TBC1D22A: variants seen among roughly 807,000 people sequenced by gnomAD.
TBC1D22A encodes the protein putative GTPase activator.
Under a neutral mutation model 60.2 loss-of-function variants are expected in TBC1D22A, and 38 were observed. The observed-to-expected ratio is 0.63, with a 90% confidence interval of 0.49 to 0.83. The LOEUF is 0.83. Among genes scored for constraint, TBC1D22A ranks in the 40% least tolerant of loss-of-function variants. The pLI, the probability that TBC1D22A is intolerant of heterozygous loss-of-function variation, is 0.00. For synonymous variants in TBC1D22A, 302 were observed against 281.7 expected (o/e 1.07, Z -0.72); for missense variants, 628 against 701.0 (o/e 0.90, Z 1.18).
At chr22:47,004,748 A>G (rs1030849734) in intron 10 of TBC1D22A, among the ~76,000 whole-genome samples, 8 of 145,618 alleles carry the variant, frequency 5.5e-5, no homozygotes, top group African/African-American at 1.9e-4. Flanking sequence ...ACACACCTAC[A>G]TACACATCTC....
At chr22:46,840,733 C>CA (rs140707678) in intron 4 of TBC1D22A, among the ~76,000 whole-genome samples, 2,034 of 90,680 alleles carry the variant, frequency 0.022, 16 homozygotes, top group Middle Eastern at 0.053. Flanking sequence ...ACTCTGTCTA[C>CA]AAAAAAAAAA....
chr22:46,853,332 C>T (rs562658262), intron 4 of TBC1D22A, among the ~76,000 whole-genome samples: 15 of 152,290 alleles, frequency 9.8e-5, no homozygotes, highest in African/African-American at 3.4e-4. Flanking sequence ...TGAAAGCAGG[C>T]GAGAGGCATG....
At chr22:47,015,744 C>G (rs921007504) in intron 10 of TBC1D22A, among the ~76,000 whole-genome samples, 3 of 152,234 alleles carry the variant, frequency 2.0e-5, no homozygotes, top group Non-Finnish European at 4.4e-5. Context: ...CCAGCCGCCT[C>G]GTGGTGGTCT....
At chr22:47,136,362 G>A (rs2066872632) in intron 12 of TBC1D22A, among the ~76,000 whole-genome samples, 1 of 152,224 alleles carries the variant, frequency 6.6e-6, no homozygotes, top group Admixed American at 6.5e-5. Flanking sequence ...TCCTGGGGCT[G>A]GCTACCACTG....
chr22:46,911,281 G>A (rs6009052), intron 7 of TBC1D22A, among the ~76,000 whole-genome samples: 116,878 of 151,998 alleles, frequency 0.77, 45,148 homozygotes, highest in Middle Eastern at 0.85. Flanking sequence ...AATGCCTGCT[G>A]AGATTTCGTA....
At position 46,976,585 on chromosome 22, in the gene TBC1D22A, G is replaced by A. The variant is rs375614813; in HGVS notation, c.1125+2186G>A. On this transcript the variant is annotated intron_variant, in intron 9 of 12. Coordinates refer to ENST00000337137, the MANE Select transcript of TBC1D22A (RefSeq NM_014346.5). ...CACGCAGACCGGCGTGTCAGCTCCC[G>A]GACGACCTGGCCGCTTCTGCCTCTT... Among the ~76,000 whole-genome samples the A allele has an allele frequency of 1.4e-4, 22 of 152,198 alleles. No individual in the cohort carries two copies. The East Asian group carries it at 1.9e-3, about 13-fold the overall frequency.
At chr22:46,872,828 A>G (rs1310429564) in intron 4 of TBC1D22A, among the ~76,000 whole-genome samples, 1 of 152,206 alleles carries the variant, frequency 6.6e-6, no homozygotes, top group African/African-American at 2.4e-5. Context: ...TGATCTGCTC[A>G]GGAGTAGGGT....
intron 7 of TBC1D22A, among the ~76,000 whole-genome samples, chr22:46,904,148 TACCTACCTACCTAC>T (rs1569199877): frequency 9.8e-5 from 12 of 122,406 alleles, no homozygotes; most frequent in African/African-American, 3.7e-4. Context: ...TCTATCTACC[TACCTACCTACCTAC>T]CTACCTACCT....
intron 12 of TBC1D22A, among the ~76,000 whole-genome samples, chr22:47,152,479 G>T (rs1189504251): frequency 3.9e-5 from 6 of 152,176 alleles, no homozygotes; most frequent in African/African-American, 1.2e-4. Context: ...CCGCTTCCAT[G>T]GGATGGTGAC....
chr22:47,150,995 C>G (rs531713661), intron 12 of TBC1D22A, among the ~76,000 whole-genome samples: 9 of 152,138 alleles, frequency 5.9e-5, no homozygotes, highest in Non-Finnish European at 1.0e-4. Context: ...TGACTGATGG[C>G]CTTGCTCTTC....
intron 12 of TBC1D22A, among the ~76,000 whole-genome samples, chr22:47,145,389 C>T (rs758983269): frequency 2.6e-5 from 4 of 152,186 alleles, no homozygotes; most frequent in East Asian, 1.9e-4. Flanking sequence ...GAGAGGTCCT[C>T]GGCCCAGAGT....
At chr22:47,167,943 A>G (rs2068269770) in intron 12 of TBC1D22A, among the ~76,000 whole-genome samples, 1 of 152,104 alleles carries the variant, frequency 6.6e-6, no homozygotes, top group South Asian at 2.1e-4. Flanking sequence ...TCTGTCTAGG[A>G]ACTTGTCTGT....
chr22:47,110,521 A>G (rs1032766148), intron 11 of TBC1D22A, among the ~76,000 whole-genome samples: 4 of 152,004 alleles, frequency 2.6e-5, no homozygotes, highest in East Asian at 1.9e-4. Context: ...TTCTCTTTGG[A>G]TGTTTGCTCA....
At chr22:47,044,446 CTGCCTCGTG>C (rs1336318044) in intron 11 of TBC1D22A, among the ~76,000 whole-genome samples, 1 of 152,206 alleles carries the variant, frequency 6.6e-6, no homozygotes, top group African/African-American at 2.4e-5. Flanking sequence ...GCTGGGTGCT[CTGCCTCGTG>C]TGCCAGGCGA....
intron 10 of TBC1D22A, among the ~76,000 whole-genome samples, chr22:47,019,583 A>C (rs1459937376): frequency 6.6e-6 from 1 of 151,888 alleles, no homozygotes; most frequent in Non-Finnish European, 1.5e-5. Context: ...AGGATGGGGC[A>C]GCAGAATCAG....
chr22:46,811,073 G>T (rs533031111), intron 4 of TBC1D22A, among the ~76,000 whole-genome samples: 2 of 152,224 alleles, frequency 1.3e-5, no homozygotes. Flanking sequence ...TACCCTGGGT[G>T]CAGGGCAGCA....
rs554965766 is a variant in TBC1D22A, at chr22:47,137,962, C to T, written c.1425+26359C>T. 8.5e-5 allele frequency among the ~76,000 whole-genome samples: 13 copies of T among 152,242 alleles called. No homozygotes were observed. In the East Asian group the frequency reaches 1.7e-3, roughly 20 times the overall value. On this transcript the variant is annotated intron_variant, in intron 12 of 12. Coordinates refer to ENST00000337137, the MANE Select transcript of TBC1D22A (RefSeq NM_014346.5). ...CTCTTCAGGGCTCAGCATCTCCATC[C>T]GTGTGATGTTACTGGCACCCCCTCT...
intron 10 of TBC1D22A, among the ~76,000 whole-genome samples, chr22:47,007,550 TG>T (rs2061631305): frequency 6.6e-6 from 1 of 152,180 alleles, no homozygotes; most frequent in African/African-American, 2.4e-5. Flanking sequence ...TACTTTATCA[TG>T]GTTTTGGATG....
intron 11 of TBC1D22A, among the ~76,000 whole-genome samples, chr22:47,106,321 A>G (rs1342924108): frequency 6.6e-6 from 1 of 152,240 alleles, no homozygotes; most frequent in Non-Finnish European, 1.5e-5. Context: ...CCAGATTCAG[A>G]AAGACCAATA....
Sources: gnomAD v4.1 joint callset for allele counts (sites outside exome capture counted in the v4.1 genomes callset) on GRCh38, gnomAD v4.1.1 for gene constraint, MANE v1.5 for transcripts, NCBI Gene and HGNC (gene_info 2026-07-23, HGNC 2026-07-21) for gene names.